Variants in GAS7 observed in about 807,000 individuals in gnomAD.
The protein encoded by GAS7 is growth arrest specific 7.
In GAS7, 28 loss-of-function variants were observed where a neutral mutation model predicts 71.1. That is an observed-to-expected ratio of 0.39 (90% CI 0.29 to 0.54). GAS7 has a LOEUF of 0.54. GAS7 is among the 20% of genes least tolerant of loss of function. The probability of loss-of-function intolerance (pLI) is 0.62; values close to 1 mark genes in which losing one functional copy is unlikely to be tolerated. For synonymous variants in GAS7, 258 were observed against 245.8 expected (o/e 1.05, Z -0.46); for missense variants, 436 against 627.8 (o/e 0.69, Z 3.27).
rs759910726 is a variant in GAS7 at position 9,959,255 on chromosome 17, T to C, written c.472A>G (p.Asn158Asp). ...TTGCTTGGCGATGAGGATCCCAGGTTCTGGGGAGAGAGGCAAGAAACATCG... is the reference window on the plus strand; with the variant it reads ...TTGCTTGGCGATGAGGATCCCAGGTCCTGGGGAGAGAGGCAAGAAACATCG... ...SVRKSTGDSQ[N>D]LGSSSPSKKQ... is the part of the protein sequence containing the mutation. The change falls in exon 5 of 14, where the codon AAC becomes GAC. Residue 158 changes from asparagine to aspartate, a missense_variant and splice_region_variant. Coordinates refer to ENST00000432992, the MANE Select transcript of GAS7 (RefSeq NM_201433.2). The surrounding 1 kb of genome is among the most constrained non-coding windows in gnomAD (Gnocchi z 5.0). 6.2e-7 allele frequency: 1 copy of C among 1,614,096 alleles called. No homozygotes were observed. The highest frequency in any genetic ancestry group is 8.5e-7 in the Non-Finnish European group (1 of 1,179,930).
At chr17:10,064,473 G>GC (rs2073258626) in intron 1 of GAS7, among the ~76,000 whole-genome samples, 1 of 152,216 alleles carries the variant, frequency 6.6e-6, no homozygotes, top group African/African-American at 2.4e-5. Flanking sequence ...GTTTCCGGGA[G>GC]CAAGTGGCTC....
At chr17:10,187,272 G>C (rs576095278) in intron 1 of GAS7, among the ~76,000 whole-genome samples, 3 of 152,214 alleles carry the variant, frequency 2.0e-5, no homozygotes, top group South Asian at 4.1e-4. Flanking sequence ...TTGCGGCTTT[G>C]GACCAACTCA....
chr17:10,020,222 G>A (rs1465970005), intron 1 of GAS7: 2 of 244,752 alleles, frequency 8.2e-6, no homozygotes, highest in African/African-American at 4.4e-5. Context: ...AGCTTGCAAG[G>A]GGGCCCTGTC....
rs770521012 is a variant in GAS7, at chr17:9,998,560, A to C, written c.305-16676T>G. 2.6e-5 allele frequency among the ~76,000 whole-genome samples: 4 copies of C among 152,284 alleles called. No individual in the cohort carries two copies. In the South Asian group the frequency reaches 8.3e-4, roughly 32 times the overall value. The stretch of plus-strand genomic sequence containing the variant: ...CCAAGGTAGGTGTCTTGAGCCCAGG[A>C]GCTCGAGACCAGCCTGGGCAATATA... On this transcript the variant is annotated intron_variant, in intron 2 of 13. Coordinates refer to ENST00000432992, the MANE Select transcript of GAS7 (RefSeq NM_201433.2).
intron 1 of GAS7, among the ~76,000 whole-genome samples, chr17:10,121,251 T>G (rs2073902544): frequency 6.6e-6 from 1 of 152,016 alleles, no homozygotes; most frequent in Non-Finnish European, 1.5e-5. Flanking sequence ...CGTGGTGGCA[T>G]GCACCTGTAG....
intron 1 of GAS7, among the ~76,000 whole-genome samples, chr17:10,132,682 C>T (rs1014971791): frequency 1.3e-5 from 2 of 151,954 alleles, no homozygotes; most frequent in East Asian, 1.9e-4. Flanking sequence ...GCACGAGAGT[C>T]GCTTGAACCC....
chr17:10,145,008 C>T (rs1055160433), intron 1 of GAS7, among the ~76,000 whole-genome samples: 7 of 152,212 alleles, frequency 4.6e-5, no homozygotes, highest in African/African-American at 1.2e-4. Context: ...TGAGGAAGGA[C>T]GGAACAATAC....
chr17:10,193,951 T>C lies in GAS7; in HGVS notation c.183+4257A>G, dbSNP rs79072597. On this transcript the variant is annotated intron_variant, in intron 1 of 13. Transcript: ENST00000432992. ...TTGTTACATGGCAATAGATAAAACA[T>C]CATTCCTTAATTATCCATAGCACAG... Among the ~76,000 whole-genome samples, 929 of 152,218 alleles carry C rather than the reference T, an allele frequency of 6.1e-3. 3 individuals carry two copies. The highest frequency in any genetic ancestry group is 9.9e-3 in the Non-Finnish European group (675 of 67,996).
rs180988844 is a variant in GAS7, at chr17:10,111,173, G to A, written c.183+87035C>T. Among the ~76,000 whole-genome samples, 41 of 152,226 alleles carry A rather than the reference G, an allele frequency of 2.7e-4. No individual in the cohort carries two copies. In the East Asian group the frequency reaches 7.5e-3, roughly 28 times the overall value. ...CCTAGCAGTTTGGGAGGCTGAGATGGGAGGATCCTTTGAGGTCAGGAGTTC... is the reference window on the plus strand; with the variant it reads ...CCTAGCAGTTTGGGAGGCTGAGATGAGAGGATCCTTTGAGGTCAGGAGTTC... On this transcript the variant is annotated intron_variant, in intron 1 of 13. Transcript: ENST00000432992.
chr17:10,139,107 G>T (rs1416389720), intron 1 of GAS7, among the ~76,000 whole-genome samples: 1 of 152,236 alleles, frequency 6.6e-6, no homozygotes, highest in East Asian at 1.9e-4. Context: ...ATGCTAAATA[G>T]AAAATATAAA....
At chr17:10,153,417 G>A (rs2074182148) in intron 1 of GAS7, among the ~76,000 whole-genome samples, 1 of 151,110 alleles carries the variant, frequency 6.6e-6, no homozygotes, top group South Asian at 2.1e-4. Context: ...TTGGGAGGCT[G>A]AGGCAGGAGA....
intron 1 of GAS7, among the ~76,000 whole-genome samples, chr17:10,117,809 A>G (rs1363171637): frequency 6.6e-6 from 1 of 152,136 alleles, no homozygotes; most frequent in Non-Finnish European, 1.5e-5. Flanking sequence ...CCAAGGCTAC[A>G]GTGGTAGGGT....
intron 7 of GAS7, among the ~76,000 whole-genome samples, chr17:9,941,548 T>G (rs966330779): frequency 2.6e-5 from 4 of 152,222 alleles, no homozygotes; most frequent in African/African-American, 9.6e-5. Context: ...TCACCTCTCC[T>G]GGCACTAAAG....
At chr17:10,010,770 T>C (rs539206060) in intron 2 of GAS7, among the ~76,000 whole-genome samples, 3 of 152,336 alleles carry the variant, frequency 2.0e-5, no homozygotes, top group East Asian at 3.9e-4. Context: ...ACATCTCTTG[T>C]AATTTATTGA....
intron 2 of GAS7, among the ~76,000 whole-genome samples, chr17:9,989,009 C>G (rs2070744497): frequency 6.6e-6 from 1 of 152,070 alleles, no homozygotes; most frequent in Non-Finnish European, 1.5e-5. Context: ...CCACCACGCC[C>G]GGCTAATTTT....
chr17:9,991,648 C>G (rs1462799922), intron 2 of GAS7, among the ~76,000 whole-genome samples: 1 of 151,902 alleles, frequency 6.6e-6, no homozygotes, highest in Non-Finnish European at 1.5e-5. Context: ...CTCTCAATCC[C>G]CATTAGGATC....
chr17:10,040,901 C>T (rs1043930738), intron 1 of GAS7, among the ~76,000 whole-genome samples: 2 of 152,166 alleles, frequency 1.3e-5, no homozygotes, highest in Non-Finnish European at 2.9e-5. Context: ...GTGGCTCACA[C>T]CTGTAATCCC....
intron 1 of GAS7, among the ~76,000 whole-genome samples, chr17:10,168,590 C>A (rs2074312198): frequency 6.6e-6 from 1 of 152,224 alleles, no homozygotes; most frequent in Non-Finnish European, 1.5e-5. Context: ...GTTGTTAGCA[C>A]CTCAGAACCC....
intron 4 of GAS7, among the ~76,000 whole-genome samples, chr17:9,968,283 C>G (rs1215615469): frequency 2.6e-5 from 4 of 152,220 alleles, no homozygotes; most frequent in Non-Finnish European, 5.9e-5. Context: ...GATAGGCCAG[C>G]TGTGTGCTAC....
Sources: allele counts gnomAD v4.1 joint callset (sites outside exome capture counted in the v4.1 genomes callset), GRCh38; gene constraint gnomAD v4.1.1; non-coding constraint Gnocchi (gnomAD v3.1); transcripts MANE v1.5; gene names NCBI Gene and HGNC (gene_info 2026-07-23, HGNC 2026-07-21).